The following C2 variants were observed in gnomAD, a reference collection of about 807,000 sequenced individuals.
C2 encodes complement C2.
Under a neutral mutation model 85.2 loss-of-function variants are expected in C2, and 64 were observed. That is an observed-to-expected ratio of 0.75 (90% confidence interval 0.61 to 0.92). C2 has a LOEUF of 0.92. C2 is among the 40% of genes least tolerant of loss of function. C2 has a pLI of 0.00. For missense variants in C2, 820 were observed against 971.6 expected, an observed-to-expected ratio of 0.84 and a Z score of 2.07; for synonymous variants, 311 against 370.8, an observed-to-expected ratio of 0.84 and a Z score of 1.85.
At chr6:31,916,195 A>T (rs1468357396), upstream of C2, among the ~76,000 whole-genome samples, 2 of 152,152 alleles carry the variant, frequency 1.3e-5, no homozygotes, top group African/African-American at 4.8e-5. Context: ...TAGTTAATTT[A>T]GGTGATCCCA....
Position 31,945,352 on chromosome 6 carries a change from CT to C in C2, c.2255del (p.Leu752ProfsTer6). 6.2e-7 allele frequency: 1 copy of C among 1,612,892 alleles called. No homozygotes were observed. Among genetic ancestry groups the C allele is most frequent in the South Asian group, 1.1e-5 (1 of 91,074 alleles). ...HLGDVLNFLP[L>X] ...GGGGGATGTCCTGAATTTTTTACCC[CT>C]CTAGCCATGGCCACTGAGCCCTCTG... On this transcript the variant is annotated frameshift_variant, in exon 18 of 18. Transcript: ENST00000299367. LOFTEE classifies it high-confidence loss of function. The surrounding 1 kb of genome is among the most constrained non-coding windows in gnomAD (Gnocchi z 5.3).
Position 31,935,471 on chromosome 6 carries a change from A to G in C2, c.850-452A>G, listed in dbSNP as rs1770331517. 6.4e-6 allele frequency: 1 copy of G among 156,224 alleles called. No homozygotes were observed. Among genetic ancestry groups the G allele is most frequent in the African/African-American group, 2.4e-5 (1 of 41,270 alleles). 9.7% of individuals were successfully genotyped at this position (156,224 alleles called of 1,614,324 possible). On this transcript the variant is annotated intron_variant, in intron 6 of 17. Transcript: ENST00000299367. This position sits in a 1 kb window ranked among gnomAD's most constrained non-coding sequence, Gnocchi z 4.3. ...GCTGCTGTTCCTTATTTTTATTATT[A>G]TTATTATTATTATTATTTTTGAGAT... is the stretch of plus-strand genomic sequence containing the variant.
intron 1 of C2, chr6:31,901,464 A>C: frequency 5.9e-5 from 49 of 825,392 alleles, no homozygotes; most frequent in Non-Finnish European, 8.4e-5. Context: ...AGTTTCCCCA[A>C]CCCTGGGGAG....
upstream of C2, among the ~76,000 whole-genome samples, chr6:31,917,751 C>A (rs1405741688): frequency 2.0e-5 from 3 of 151,652 alleles, no homozygotes; most frequent in East Asian, 5.9e-4. Flanking sequence ...ACTAAAAATG[C>A]AAAAATTAGC....
At chr6:31,907,539 C>T (rs1767790121) in intron 1 of C2, among the ~76,000 whole-genome samples, 1 of 137,306 alleles carries the variant, frequency 7.3e-6, no homozygotes, top group Non-Finnish European at 1.5e-5. Flanking sequence ...GCCTTGTTCG[C>T]ACTGCTGCAC....
Position 31,904,594 on chromosome 6 carries a change from G to A in C2, c.73+3455G>A, listed in dbSNP as rs1294575106. On this transcript the variant is annotated intron_variant, in intron 1 of 3. Transcript: ENST00000452202. This position sits in a 1 kb window ranked among gnomAD's most constrained non-coding sequence, Gnocchi z 4.4. ...CTCCCAAAGTGTTGGGATTACAGGCGTGAGCCACTGCGCCTGACCCAAAAG... is the reference window on the plus strand; with the variant it reads ...CTCCCAAAGTGTTGGGATTACAGGCATGAGCCACTGCGCCTGACCCAAAAG... Among the ~76,000 whole-genome samples, 1 of 152,044 alleles carries A rather than the reference G, an allele frequency of 6.6e-6. No individual in the cohort carries two copies. Among genetic ancestry groups the A allele is most frequent in the Non-Finnish European group, 1.5e-5 (1 of 68,020 alleles).
chr6:31,899,628 T>C (rs1399638643), upstream of C2: 5 of 341,324 alleles, frequency 1.5e-5, no homozygotes, highest in Non-Finnish European at 2.7e-5. Flanking sequence ...CCTCATTCTA[T>C]AGGACCCTTT....
intron 7 of C2, chr6:31,936,446 G>A (rs1402274793): frequency 3.3e-6 from 1 of 303,174 alleles, no homozygotes; most frequent in East Asian, 7.9e-5. Flanking sequence ...CCTCATCTTT[G>A]AATCTTGGGA....
upstream of C2, chr6:31,900,151 C>T (rs371605326): frequency 2.4e-5 from 38 of 1,614,178 alleles, no homozygotes; most frequent in African/African-American, 3.7e-4. The surrounding 1 kb of genome is among the most constrained non-coding windows in gnomAD (Gnocchi z 9.7). Flanking sequence ...ACGAGTGTGA[C>T]TTGACACCAC....
chr6:31,911,641 TC>T (rs1768106824), intron 1 of C2, among the ~76,000 whole-genome samples: 1 of 150,352 alleles, frequency 6.7e-6, no homozygotes, highest in African/African-American at 2.4e-5. Flanking sequence ...TTTTTTTTTT[TC>T]TCTCTCTTTT....
intron 9 of C2, among the ~76,000 whole-genome samples, chr6:31,940,530 G>A (rs1217264715): frequency 6.6e-6 from 1 of 152,180 alleles, no homozygotes; most frequent in African/African-American, 2.4e-5. Flanking sequence ...AGAGAGAGAT[G>A]CTCAGACAGG....
intron 1 of C2, among the ~76,000 whole-genome samples, chr6:31,911,881 C>G (rs1012918401): frequency 6.6e-6 from 1 of 151,204 alleles, no homozygotes; most frequent in African/African-American, 2.4e-5. Context: ...TTGCCCGCCT[C>G]AGCCTCCCAA....
At chr6:31,905,803 T>C (rs2151702288) in intron 1 of C2, among the ~76,000 whole-genome samples, 1 of 152,100 alleles carries the variant, frequency 6.6e-6, no homozygotes, top group East Asian at 1.9e-4. Flanking sequence ...TATGAGTCCA[T>C]AGCAGCTTAC....
upstream of C2, chr6:31,899,643 T>C: frequency 2.5e-6 from 1 of 396,624 alleles, no homozygotes; most frequent in East Asian, 3.7e-5. Context: ...CCCTTTTCCC[T>C]CCCTCCACAT....
intron 3 of C2, among the ~76,000 whole-genome samples, chr6:31,929,714 T>C (rs1240326573): frequency 1.1e-4 from 8 of 73,460 alleles, no homozygotes; most frequent in Non-Finnish European, 1.8e-4. Context: ...TAAGACTCTG[T>C]CTCAAAAAAA....
At chr6:31,911,672 G>T (rs1481944417) in intron 1 of C2, among the ~76,000 whole-genome samples, 3 of 145,004 alleles carry the variant, frequency 2.1e-5, no homozygotes, top group Admixed American at 1.4e-4. Context: ...ACAGAGTCTC[G>T]CTCTGTTGCC....
upstream of C2, among the ~76,000 whole-genome samples, chr6:31,923,141 GT>G (rs908985285): frequency 2.0e-5 from 3 of 152,310 alleles, no homozygotes; most frequent in African/African-American, 7.2e-5. Context: ...ATCTGGTGGG[GT>G]CTACTGAAAA....
At chr6:31,938,979 A>C (rs960381664) in intron 8 of C2, among the ~76,000 whole-genome samples, 1 of 151,010 alleles carries the variant, frequency 6.6e-6, no homozygotes, top group African/African-American at 2.4e-5. Context: ...TTGTGGTTTT[A>C]GTAGAGACAG....
chr6:31,934,652 A>T, intron 6 of C2: 2 of 1,309,442 alleles, frequency 1.5e-6, no homozygotes, highest in Non-Finnish European at 1.9e-6. Flanking sequence ...AATTTAAATC[A>T]GATTAATAAT....
Sources: allele counts gnomAD v4.1 joint callset (sites outside exome capture counted in the v4.1 genomes callset), GRCh38; gene constraint gnomAD v4.1.1; non-coding constraint Gnocchi (gnomAD v3.1); transcripts MANE v1.5; gene names NCBI Gene and HGNC (gene_info 2026-07-23, HGNC 2026-07-21).